Variants in SH3D19 observed in about 807,000 individuals in gnomAD.
SH3D19 encodes the protein SH3 domain containing 19.
A neutral mutation model predicts 112.1 loss-of-function variants in SH3D19; 58 were observed. That is an observed-to-expected ratio of 0.52 (90% CI 0.42 to 0.64). The LOEUF is 0.64. Among genes scored for constraint, SH3D19 ranks in the 30% least tolerant of loss-of-function variants. The pLI is 0.00. For synonymous variants in SH3D19, 391 were observed against 448.5 expected (o/e 0.87, Z 1.62); for missense variants, 1,090 against 1,263.4 (o/e 0.86, Z 2.08).
chr4:151,217,606 T>C (rs1004458702), intron 2 of SH3D19, among the ~76,000 whole-genome samples: 1 of 151,936 alleles, frequency 6.6e-6, no homozygotes, highest in Admixed American at 6.6e-5. Flanking sequence ...CAAACAGACA[T>C]GTACGGCACA....
chr4:151,251,204 T>C (rs1213128503), intron 1 of SH3D19, among the ~76,000 whole-genome samples: 2 of 150,692 alleles, frequency 1.3e-5, no homozygotes, highest in Non-Finnish European at 3.0e-5. Flanking sequence ...TTTCCTTTTT[T>C]TTTTTTTTTC....
At chr4:151,280,064 G>A (rs1340907404) in intron 1 of SH3D19, 19 of 1,309,024 alleles carry the variant, frequency 1.5e-5, no homozygotes, top group Middle Eastern at 2.7e-4. Flanking sequence ...TAGGCAGGGC[G>A]GAAGGAAACC....
intron 1 of SH3D19, among the ~76,000 whole-genome samples, chr4:151,312,438 C>G (rs898655995): frequency 6.6e-6 from 1 of 152,170 alleles, no homozygotes; most frequent in Non-Finnish European, 1.5e-5. Flanking sequence ...ATCTGGAAAT[C>G]TGAGGGTGGG....
chr4:151,225,386 A>AT (rs1460040027), intron 2 of SH3D19, among the ~76,000 whole-genome samples: 3 of 152,344 alleles, frequency 2.0e-5, no homozygotes, highest in Middle Eastern at 3.4e-3. Flanking sequence ...TTTTTCACCT[A>AT]TAAGTTTGAC....
At chr4:151,273,105 A>C (rs1271464570) in intron 1 of SH3D19, among the ~76,000 whole-genome samples, 1 of 152,170 alleles carries the variant, frequency 6.6e-6, no homozygotes. Context: ...TCCAATTTTC[A>C]AAATAAAGTA....
intron 1 of SH3D19, among the ~76,000 whole-genome samples, chr4:151,311,880 A>T (rs992024940): frequency 6.6e-6 from 1 of 152,100 alleles, no homozygotes; most frequent in Admixed American, 6.6e-5. Context: ...GGTTACCAGG[A>T]GTTGTGAGGG....
chr4:151,320,668 ACAAAGAACTC>A (rs368059004), intron 1 of SH3D19, among the ~76,000 whole-genome samples: 230 of 152,340 alleles, frequency 1.5e-3, no homozygotes, highest in African/African-American at 5.3e-3. Flanking sequence ...TCCTGGGTAA[ACAAAGAACTC>A]CAATAAATCA....
At chr4:151,220,721 C>T (rs779359646) in intron 2 of SH3D19, among the ~76,000 whole-genome samples, 4 of 152,080 alleles carry the variant, frequency 2.6e-5, no homozygotes, top group African/African-American at 4.8e-5. Context: ...AATTTTTAAA[C>T]GAGTGTGTAG....
At chr4:151,294,433 A>C (rs529461895) in intron 1 of SH3D19, among the ~76,000 whole-genome samples, 4 of 152,360 alleles carry the variant, frequency 2.6e-5, no homozygotes, top group African/African-American at 9.6e-5. Flanking sequence ...TGCAACTGCA[A>C]AAAAAGGAAT....
rs1402049616 is a variant in SH3D19 at position 151,122,039 on chromosome 4, G to A, written c.*52C>T. ...GTGCAAAAACATATCTGATAGTCAA[G>A]GTGATAGTTCAAGTGAGTTCTTGTG... On this transcript the variant is annotated 3_prime_UTR_variant, in exon 20 of 20. Coordinates refer to ENST00000604030, the MANE Select transcript of SH3D19 (RefSeq NM_001378122.1). 1.6e-5 allele frequency: 14 copies of A among 865,320 alleles called. No homozygotes were observed. The East Asian group carries it at 2.2e-4, about 14-fold the overall frequency. 53.6% of individuals were successfully genotyped at this position (865,320 alleles called of 1,614,324 possible). A position where few individuals can be genotyped will look rare whatever the true frequency, so the allele number is the denominator to read the frequency against.
chr4:151,198,316 A>AT (rs1463226523), intron 2 of SH3D19, among the ~76,000 whole-genome samples: 1,139 of 79,486 alleles, frequency 0.014, 20 homozygotes, highest in South Asian at 0.037. Context: ...AAAAAAAAAA[A>AT]AATATATATA....
In SH3D19 at chr4:151,318,257, C is replaced by T. The variant is rs1366312430; in HGVS notation, c.112+6984G>A. On this transcript the variant is annotated intron_variant, in intron 1 of 19. Coordinates refer to ENST00000604030, the MANE Select transcript of SH3D19 (RefSeq NM_001378122.1). ...CAGAGGTTGCAGTGAGCCAAGATCGCGCCACTGCACTCCAGCCTAGGCGAC... is the reference window on the plus strand; with the variant it reads ...CAGAGGTTGCAGTGAGCCAAGATCGTGCCACTGCACTCCAGCCTAGGCGAC... Among the ~76,000 whole-genome samples the T allele has an allele frequency of 3.5e-4, 48 of 137,450 alleles. 1 individual carries two copies. Among genetic ancestry groups the T allele is most frequent in the Admixed American group, 4.6e-4 (6 of 13,158 alleles). The allele number at this position is 137,450 out of a possible 152,430, so 90.2% of individuals were successfully genotyped here. A position where few individuals can be genotyped will look rare whatever the true frequency, so the allele number is the denominator to read the frequency against.
intron 2 of SH3D19, among the ~76,000 whole-genome samples, chr4:151,202,733 A>G (rs1455036639): frequency 6.6e-6 from 1 of 152,150 alleles, no homozygotes; most frequent in Non-Finnish European, 1.5e-5. Context: ...TTCAAAACAC[A>G]AGATACAGTC....
chr4:151,194,016 A>ATTTTTTTTTTTT (rs201719037), intron 2 of SH3D19, among the ~76,000 whole-genome samples: 6 of 111,896 alleles, frequency 5.4e-5, no homozygotes, highest in African/African-American at 1.3e-4. Context: ...AGTAGGATTA[A>ATTTTTTTTTTTT]TTTTTTTTTT....
chr4:151,214,415 GA>G lies in SH3D19; in HGVS notation c.152+11631del, dbSNP rs1182338684. 6.9e-4 allele frequency among the ~76,000 whole-genome samples: 13 copies of G among 18,870 alleles called. 1 individual carries two copies. Among genetic ancestry groups the G allele is most frequent in the Non-Finnish European group, 3.3e-3 (6 of 1,816 alleles). 12.4% of individuals were successfully genotyped at this position (18,870 alleles called of 152,430 possible). A position where few individuals can be genotyped will look rare whatever the true frequency, so the allele number is the denominator to read the frequency against. On this transcript the variant is annotated intron_variant, in intron 2 of 19. Coordinates refer to ENST00000604030, the MANE Select transcript of SH3D19 (RefSeq NM_001378122.1). ...TCCCAGACGGGGTGGTGGCCGGGCA[GA>G]GGCGCCCCTCACCTCCCGGACGAGG...
chr4:151,251,189 C>CT (rs5862953), intron 1 of SH3D19, among the ~76,000 whole-genome samples: 46,464 of 145,904 alleles, frequency 0.32, 8,670 homozygotes, highest in Non-Finnish European at 0.44. Context: ...CTTTCTTTTT[C>CT]TTTTTTTCCT....
rs1444941104 is a variant in SH3D19 at position 151,175,597 on chromosome 4, A to C, written c.607T>G (p.Leu203Val). ...SGNLPTNVAP[L>V]IVFDISEEPN... ...TCTTCAGAAATATCAAAGACGATTA[A>C]AGGTGCCACATTTGTTGGAAGATTG... The change falls in exon 7 of 20, where the codon TTA (leucine) becomes GTA (valine). Residue 203 changes from leucine (L) to valine (V), a missense_variant. Leu to Val is a conservative substitution (Grantham distance 32, BLOSUM62 1). Transcript: ENST00000604030. 1.6e-5 allele frequency: 21 copies of C among 1,328,274 alleles called. No individual in the cohort carries two copies. Among genetic ancestry groups the C allele is most frequent in the Non-Finnish European group, 2.0e-5 (21 of 1,046,500 alleles). 82.3% of individuals were successfully genotyped at this position (1,328,274 alleles called of 1,614,324 possible). A position where few individuals can be genotyped will look rare whatever the true frequency, so the allele number is the denominator to read the frequency against.
chr4:151,227,908 G>T, intron 1 of SH3D19: 1 of 985,386 alleles, frequency 1.0e-6, no homozygotes, highest in Non-Finnish European at 1.2e-6. Flanking sequence ...GAGAAACAGA[G>T]TCACGATGCA....
chr4:151,143,702 G>T (rs895921257), intron 12 of SH3D19, among the ~76,000 whole-genome samples: 3 of 151,916 alleles, frequency 2.0e-5, no homozygotes, highest in African/African-American at 7.3e-5. Context: ...AAAACACAGG[G>T]TAGTCACTCT....
Sources: gnomAD v4.1 joint callset for allele counts (sites outside exome capture counted in the v4.1 genomes callset) on GRCh38, gnomAD v4.1.1 for gene constraint, MANE v1.5 for transcripts, NCBI Gene and HGNC (gene_info 2026-07-23, HGNC 2026-07-21) for gene names.